The following TOX4 variants were observed in gnomAD, a reference collection of about 807,000 sequenced individuals.
The protein encoded by TOX4 is TOX high mobility group box family member 4.
A neutral mutation model predicts 61.0 loss-of-function variants in TOX4; 12 were observed. The ratio of observed to expected loss-of-function variants is 0.20; its 90% CI spans 0.13 to 0.32. TOX4 has a LOEUF of 0.32. Ranked by LOEUF, TOX4 falls within the 10% of genes least tolerant of loss-of-function variation. TOX4 has a pLI of 1.00. For missense variants in TOX4, 499 were observed against 753.3 expected, an observed-to-expected ratio of 0.66 and a Z score of 3.95; for synonymous variants, 268 against 274.8, an observed-to-expected ratio of 0.98 and a Z score of 0.24.
At chr14:21,490,703 T>G (rs1171747541) in intron 5 of TOX4, among the ~76,000 whole-genome samples, 1 of 152,198 alleles carries the variant, frequency 6.6e-6, no homozygotes, top group East Asian at 1.9e-4. Flanking sequence ...TCTGTTCAAT[T>G]TTTAGATATT....
At chr14:21,480,550 A>G (rs1385306108) in intron 2 of TOX4, among the ~76,000 whole-genome samples, 1 of 152,024 alleles carries the variant, frequency 6.6e-6, no homozygotes, top group African/African-American at 2.4e-5. Flanking sequence ...GTTTTTTTTT[A>G]CAAGAGAGGA....
At chr14:21,482,816 G>C (rs1171600815) in intron 2 of TOX4, among the ~76,000 whole-genome samples, 1 of 151,816 alleles carries the variant, frequency 6.6e-6, no homozygotes, top group Non-Finnish European at 1.5e-5. Context: ...AAAGATTTTA[G>C]TGAATCTCTA....
Position 21,495,363 on chromosome 14 carries a change from C to T in TOX4, c.1776C>T (p.Cys592=), listed in dbSNP as rs779752826. 6.2e-7 allele frequency: 1 copy of T among 1,614,042 alleles called. No homozygotes were observed. The change falls in exon 8 of 9, where the codon TGC becomes TGT. Residue 592 remains cysteine, a synonymous_variant. Transcript: ENST00000448790. ...IVSKDWDNEY[C]SNECVVKHCR... ...GTAAGGACTGGGACAATGAATACTGCAGCAATGAGTGTGTGGTGAAGCACT... is the reference window on the plus strand; with the variant it reads ...GTAAGGACTGGGACAATGAATACTGTAGCAATGAGTGTGTGGTGAAGCACT...
At chr14:21,489,774 C>T (rs1478128079) in intron 5 of TOX4, among the ~76,000 whole-genome samples, 1 of 151,866 alleles carries the variant, frequency 6.6e-6, no homozygotes, top group Admixed American at 6.6e-5. Flanking sequence ...GTAGAGACGG[C>T]GTTTCACCAT....
chr14:21,497,434 A>G lies in TOX4; in HGVS notation c.*828A>G, dbSNP rs1363965991. 6.6e-6 allele frequency: 1 copy of G among 151,874 alleles called. No homozygotes were observed. The highest frequency in any genetic ancestry group is 1.5e-5 in the Non-Finnish European group (1 of 67,986). The allele number at this position is 151,874 out of a possible 1,614,324, so 9.4% of individuals were successfully genotyped here. On this transcript the variant is annotated 3_prime_UTR_variant, in exon 9 of 9. Transcript: ENST00000448790. ...AAACTCAAATTTTTACTGTTTGTAG[A>G]CAGGAATGCTGTCCTAGAGAACCTC...
chr14:21,477,809 T>C (rs1166774735), intron 2 of TOX4, among the ~76,000 whole-genome samples: 1 of 152,204 alleles, frequency 6.6e-6, no homozygotes, highest in Non-Finnish European at 1.5e-5. Flanking sequence ...AAAGGGATTC[T>C]GGATTAGAAG....
intron 7 of TOX4, among the ~76,000 whole-genome samples, chr14:21,493,602 C>T (rs545392185): frequency 1.5e-4 from 23 of 151,896 alleles, no homozygotes; most frequent in East Asian, 1.2e-3. Flanking sequence ...CCACCATGTC[C>T]GGCTAATTTT....
rs769409614 is a variant in TOX4 at position 21,498,417 on chromosome 14, G to T, written c.*1811G>T. On this transcript the variant is annotated 3_prime_UTR_variant, in exon 9 of 9. Coordinates refer to ENST00000448790, the MANE Select transcript of TOX4 (RefSeq NM_014828.4). ...GCAAACCAGAAATCCTGGAATTAGA[G>T]GGTTTAATATTGTTAAAAAATGCAT... 4.4e-6 allele frequency: 7 copies of T among 1,585,906 alleles called. No individual in the cohort carries two copies. Among genetic ancestry groups the T allele is most frequent in the Non-Finnish European group, 6.1e-6 (7 of 1,155,860 alleles).
At position 21,498,058 on chromosome 14, in the gene TOX4, C is replaced by A; in HGVS notation, c.*1452C>A. ...ACAGCAACCCAATGAGGTAATACTC[C>A]CATTTCACATATAATACTGAGAGAT... On this transcript the variant is annotated 3_prime_UTR_variant, in exon 9 of 9. Coordinates refer to ENST00000448790, the MANE Select transcript of TOX4 (RefSeq NM_014828.4). 1.8e-6 allele frequency: 1 copy of A among 558,072 alleles called. No individual in the cohort carries two copies. The highest frequency in any genetic ancestry group is 3.2e-6 in the Non-Finnish European group (1 of 314,850). 34.6% of individuals were successfully genotyped at this position (558,072 alleles called of 1,614,324 possible). A position where few individuals can be genotyped will look rare whatever the true frequency, so the allele number is the denominator to read the frequency against.
intron 2 of TOX4, among the ~76,000 whole-genome samples, chr14:21,481,743 GAT>G (rs1891110474): frequency 6.6e-6 from 1 of 152,130 alleles, no homozygotes; most frequent in Non-Finnish European, 1.5e-5. Context: ...ATACTACACA[GAT>G]ATAAAAAATT....
chr14:21,486,584 T>G (rs1049635486), intron 2 of TOX4, among the ~76,000 whole-genome samples: 1 of 152,208 alleles, frequency 6.6e-6, no homozygotes, highest in Non-Finnish European at 1.5e-5. Flanking sequence ...CTATTATTTA[T>G]AAATGTCTAT....
Position 21,492,366 on chromosome 14 carries a change from A to C in TOX4, c.881A>C (p.Gln294Pro), listed in dbSNP as rs1480102023. 6.2e-7 allele frequency: 1 copy of C among 1,614,026 alleles called. No individual in the cohort carries two copies. Among genetic ancestry groups the C allele is most frequent in the Non-Finnish European group, 8.5e-7 (1 of 1,180,032 alleles). The change falls in exon 6 of 9, where the codon CAG (glutamine) becomes CCG (proline). Residue 294 changes from glutamine to proline, a missense_variant. Gln to Pro is a moderately conservative substitution (Grantham distance 76). This residue lies in a region of TOX4 where 296 missense variants were observed against 404.7 expected (regional missense o/e 0.73). Coordinates refer to ENST00000448790, the MANE Select transcript of TOX4 (RefSeq NM_014828.4). ...LKALAAYKDN[Q>P]ECQATVETVE... ...GCACTGGCTGCTTACAAAGACAACC[A>C]GGAGTGTCAGGTAAGAGGGATAGGA...
At position 21,498,262 on chromosome 14, in the gene TOX4, A is replaced by C. The variant is rs1349275390; in HGVS notation, c.*1656A>C. 2 of 1,571,618 alleles carry C rather than the reference A, an allele frequency of 1.3e-6. No homozygotes were observed. The highest frequency in any genetic ancestry group is 8.8e-7 in the Non-Finnish European group (1 of 1,141,168). On this transcript the variant is annotated 3_prime_UTR_variant, in exon 9 of 9. Transcript: ENST00000448790. ...TAGCTCTGTAAGGAAGTGCTTCTAT[A>C]AATTCTTAGGTTTAGAGATGATACC...
intron 7 of TOX4, among the ~76,000 whole-genome samples, chr14:21,494,269 A>G (rs1220765029): frequency 6.6e-6 from 1 of 152,210 alleles, no homozygotes; most frequent in African/African-American, 2.4e-5. Context: ...CAGGGGGTAT[A>G]GGCAGAAAAA....
At position 21,489,163 on chromosome 14, in the gene TOX4, T is replaced by G; in HGVS notation, c.580-10T>G. ...CCATTGTGTAATTCTCTCTTTTTTC[T>G]CTCCTACAGCAACTTCCCAGCCAGA... On this transcript the variant is annotated splice_polypyrimidine_tract_variant and intron_variant, in intron 4 of 8. Coordinates refer to ENST00000448790, the MANE Select transcript of TOX4 (RefSeq NM_014828.4). 3.7e-6 allele frequency: 6 copies of G among 1,609,298 alleles called. No homozygotes were observed. The highest frequency in any genetic ancestry group is 5.1e-6 in the Non-Finnish European group (6 of 1,178,640).
chr14:21,477,393 G>A, intron 1 of TOX4, 103 bp from the exon 2 acceptor site: 1 of 1,611,662 alleles, frequency 6.2e-7, no homozygotes, highest in South Asian at 1.1e-5. Flanking sequence ...AGAGAGAGCG[G>A]GGTTTGGGGA....
intron 2 of TOX4, among the ~76,000 whole-genome samples, chr14:21,483,485 C>G (rs1434832157): frequency 6.6e-6 from 1 of 150,444 alleles, no homozygotes; most frequent in African/African-American, 2.5e-5. Flanking sequence ...CAGAAAGAGT[C>G]ATGGACTGGA....
At chr14:21,482,551 G>A (rs1380348412) in intron 2 of TOX4, 1 of 468,464 alleles carries the variant, frequency 2.1e-6, no homozygotes, top group South Asian at 1.6e-5. Flanking sequence ...TCCCAAACCA[G>A]CCCCTCCTTC....
intron 2 of TOX4, among the ~76,000 whole-genome samples, chr14:21,478,197 C>T (rs1453756935): frequency 2.6e-5 from 4 of 152,246 alleles, no homozygotes; most frequent in Non-Finnish European, 5.9e-5. Context: ...CTCGGCCTCC[C>T]GGAGTGCTGG....
Sources: allele counts gnomAD v4.1 joint callset (sites outside exome capture counted in the v4.1 genomes callset), GRCh38; gene constraint gnomAD v4.1.1; regional missense constraint gnomAD v4.1.1; transcripts MANE v1.5; gene names NCBI Gene and HGNC (gene_info 2026-07-23, HGNC 2026-07-21).